Variants in SCAP observed in about 807,000 individuals in gnomAD.
The protein encoded by SCAP is SREBF chaperone, also known as sterol regulatory element-binding protein cleavage-activating protein.
A neutral mutation model predicts 123.6 loss-of-function variants in SCAP; 65 were observed. The ratio of observed to expected loss-of-function variants is 0.53; its 90% CI spans 0.43 to 0.65. SCAP has a LOEUF of 0.65. Ranked by LOEUF, SCAP falls within the 30% of genes least tolerant of loss-of-function variation. SCAP has a pLI of 0.00. For synonymous variants in SCAP, 740 were observed against 726.3 expected, an observed-to-expected ratio of 1.02 and a Z score of -0.30; for missense variants, 1,398 against 1,712.5, an observed-to-expected ratio of 0.82 and a Z score of 3.24.
Position 47,419,572 on chromosome 3 carries a change from C to T in SCAP, c.1696G>A (p.Gly566Ser). Residue 566 changes from glycine to serine, a missense_variant, in exon 13 of 23, where the codon GGC becomes AGC. Transcript: ENST00000265565. The surrounding 1 kb of genome is among the most constrained non-coding windows in gnomAD (Gnocchi z 5.0). ...TCCGGGTGGCTGGGGGGCAGCATGC[C>T]ACTAGGCACGGGCATGGGAGCCAGG... The part of the protein sequence containing the change: ...GALAPMPVPS[G>S]MLPPSHPDPA... The T allele has an allele frequency of 6.2e-7, 1 of 1,612,066 alleles. No homozygotes were observed. The highest frequency in any genetic ancestry group is 8.5e-7 in the Non-Finnish European group (1 of 1,178,786).
At chr3:47,460,587 C>G (rs1161083855) in intron 1 of SCAP, among the ~76,000 whole-genome samples, 1 of 152,146 alleles carries the variant, frequency 6.6e-6, no homozygotes, top group Non-Finnish European at 1.5e-5. Flanking sequence ...GAGTCTCACT[C>G]TGTCCCCCAG....
Position 47,418,643 on chromosome 3 carries a change from C to A in SCAP, c.2129+12G>T. The A allele has an allele frequency of 1.2e-6, 2 of 1,601,480 alleles. No individual in the cohort carries two copies. The highest frequency in any genetic ancestry group is 2.2e-5 in the South Asian group (2 of 89,528). ...GCACTCTTTCCCACCCCACCCCACCCAGCAGCCTTACTTGTACAGCGTGAC... is the reference window on the plus strand; with the variant it reads ...GCACTCTTTCCCACCCCACCCCACCAAGCAGCCTTACTTGTACAGCGTGAC... On this transcript the variant is annotated intron_variant, in intron 14 of 22. Transcript: ENST00000265565.
intron 2 of SCAP, among the ~76,000 whole-genome samples, chr3:47,437,339 T>G (rs1706617308): frequency 7.2e-6 from 1 of 138,280 alleles, no homozygotes; most frequent in African/African-American, 2.7e-5. Flanking sequence ...CTCAGAAGGC[T>G]GAGGCAGGAA....
chr3:47,414,080 C>T lies in SCAP; in HGVS notation c.3614G>A (p.Ser1205Asn), dbSNP rs1576239026. ...CAGGTTGTCTGAGATGACACCCAAG[C>T]TTGCACCACAGCCCAGGTCCTGGAG... ...SIQQDLGCGA[S>N]LGVISDNLLV... The change falls in exon 23 of 23, where the codon AGC becomes AAC. Residue 1205 changes from serine to asparagine, a missense_variant. Coordinates refer to ENST00000265565, the MANE Select transcript of SCAP (RefSeq NM_012235.4). The T allele has an allele frequency of 6.2e-7, 1 of 1,613,326 alleles. No homozygotes were observed. The highest frequency in any genetic ancestry group is 1.1e-5 in the South Asian group (1 of 91,092).
At chr3:47,450,050 T>A (rs1174736395) in intron 1 of SCAP, among the ~76,000 whole-genome samples, 1 of 125,756 alleles carries the variant, frequency 8.0e-6, no homozygotes, top group Non-Finnish European at 1.8e-5. Context: ...CAGGCTGGAG[T>A]GCAGTGGCGT....
In SCAP at chr3:47,420,923, A is replaced by G. The variant is rs1705871876; in HGVS notation, c.1344+8T>C. The G allele has an allele frequency of 1.2e-6, 2 of 1,612,508 alleles. No individual in the cohort carries two copies. Among genetic ancestry groups the G allele is most frequent in the African/African-American group, 2.7e-5 (2 of 74,870 alleles). On this transcript the variant is annotated splice_region_variant and intron_variant, in intron 11 of 22. Coordinates refer to ENST00000265565, the MANE Select transcript of SCAP (RefSeq NM_012235.4). This position sits in a 1 kb window ranked among gnomAD's most constrained non-coding sequence, Gnocchi z 5.0. ...AGGCGGGCAGGGCAGGGCTCAGCCC[A>G]CTCCTACCTCCATCCGGCGAATGTC...
chr3:47,441,407 G>A (rs900569923), intron 2 of SCAP, among the ~76,000 whole-genome samples: 1 of 152,114 alleles, frequency 6.6e-6, no homozygotes, highest in Non-Finnish European at 1.5e-5. Context: ...GGTTGAGGCT[G>A]AGGTGAGCTG....
At chr3:47,426,795 T>C (rs945298530) in intron 6 of SCAP, among the ~76,000 whole-genome samples, 1 of 152,170 alleles carries the variant, frequency 6.6e-6, no homozygotes, top group Admixed American at 6.5e-5. Context: ...TCGAGTGCCC[T>C]TGCCAATTGG....
At chr3:47,455,402 C>G (rs1475339481) in intron 1 of SCAP, among the ~76,000 whole-genome samples, 5 of 151,498 alleles carry the variant, frequency 3.3e-5, no homozygotes, top group African/African-American at 7.3e-5. Flanking sequence ...AAAGACCAGC[C>G]TAGCCAACAT....
intron 4 of SCAP, among the ~76,000 whole-genome samples, chr3:47,428,003 A>G (rs1303878849): frequency 6.6e-6 from 1 of 152,186 alleles, no homozygotes; most frequent in Non-Finnish European, 1.5e-5. Flanking sequence ...TAGGGGCTTC[A>G]TTTAGTTCAC....
intron 1 of SCAP, among the ~76,000 whole-genome samples, chr3:47,458,959 C>T (rs1707529080): frequency 6.6e-6 from 1 of 152,170 alleles, no homozygotes. Context: ...GTATGTGCCA[C>T]CATGCCTGGC....
At position 47,419,004 on chromosome 3, in the gene SCAP, G is replaced by A. The variant is rs1370776892; in HGVS notation, c.1941-161C>T. Among the ~76,000 whole-genome samples the A allele has an allele frequency of 2.6e-5, 4 of 152,146 alleles. No homozygotes were observed. The highest frequency in any genetic ancestry group is 5.9e-5 in the Non-Finnish European group (4 of 68,008). On this transcript the variant is annotated intron_variant, in intron 13 of 22. Transcript: ENST00000265565. This position sits in a 1 kb window ranked among gnomAD's most constrained non-coding sequence, Gnocchi z 5.0. ...GGGGACAGAGGTAGGTCCCTCCCCA[G>A]CCCAGCTTAGCAGCCAACTTGCTGT...
chr3:47,434,897 T>C (rs1340384432), intron 3 of SCAP, 111 bp downstream of exon 3: 3 of 1,358,134 alleles, frequency 2.2e-6, no homozygotes, highest in Non-Finnish European at 3.1e-6. Flanking sequence ...TTAAAGTACA[T>C]GAATTCACAA....
chr3:47,421,339 A>T (rs1399261035), intron 10 of SCAP: 1 of 309,232 alleles, frequency 3.2e-6, no homozygotes, highest in East Asian at 7.3e-5. Context: ...GAAACCTCTA[A>T]GCCCCACCAG....
chr3:47,430,304 G>A (rs559590334), intron 3 of SCAP, among the ~76,000 whole-genome samples: 2 of 152,132 alleles, frequency 1.3e-5, no homozygotes, highest in Non-Finnish European at 2.9e-5. Context: ...ACTAGAATCT[G>A]CCATCTACCT....
At chr3:47,456,778 C>T (rs1281021755) in intron 1 of SCAP, among the ~76,000 whole-genome samples, 4 of 151,798 alleles carry the variant, frequency 2.6e-5, no homozygotes, top group African/African-American at 7.2e-5. Flanking sequence ...AAGCGAGACT[C>T]CGTCTCAAAA....
chr3:47,420,572 C>T lies in SCAP; in HGVS notation c.1545G>A (p.Leu515=). The T allele has an allele frequency of 6.2e-7, 1 of 1,605,900 alleles. No homozygotes were observed. The highest frequency in any genetic ancestry group is 8.5e-7 in the Non-Finnish European group (1 of 1,176,748). Residue 515 remains leucine, a synonymous_variant, in exon 12 of 23, where the codon CTG becomes CTA. Coordinates refer to ENST00000265565, the MANE Select transcript of SCAP (RefSeq NM_012235.4). The surrounding 1 kb of genome is among the most constrained non-coding windows in gnomAD (Gnocchi z 5.0). ...CAGGTACCATGATGAGGCGCTGTGC[C>T]AGGCGGGTGCGGGCCAGGAAGTAGA... ...RVVYFLARTR[L]AQRLIMAGTV... is the part of the protein sequence containing the mutation.
chr3:47,469,890 CCA>C, intron 1 of SCAP: 1 of 517,632 alleles, frequency 1.9e-6, no homozygotes, highest in South Asian at 1.6e-5. Context: ...AAGAAATTAG[CCA>C]CAGATTCACT....
Position 47,439,141 on chromosome 3 carries a change from G to T in SCAP, c.122+3731C>A, listed in dbSNP as rs1354653968. Among the ~76,000 whole-genome samples the T allele has an allele frequency of 1.3e-5, 2 of 152,148 alleles. No individual in the cohort carries two copies. The highest frequency in any genetic ancestry group is 2.9e-5 in the Non-Finnish European group (2 of 68,034). The stretch of plus-strand genomic sequence containing the variant: ...ATGCATGACTAGGCTGAGCAAGGTG[G>T]CTTATGCCTATAATCCCAGGACTTT... On this transcript the variant is annotated intron_variant, in intron 2 of 22. Coordinates refer to ENST00000265565, the MANE Select transcript of SCAP (RefSeq NM_012235.4). This position sits in a 1 kb window ranked among gnomAD's most constrained non-coding sequence, Gnocchi z 4.0.
Sources: gnomAD v4.1 joint callset for allele counts (sites outside exome capture counted in the v4.1 genomes callset) on GRCh38, gnomAD v4.1.1 for gene constraint, Gnocchi (gnomAD v3.1) non-coding constraint, MANE v1.5 for transcripts, NCBI Gene and HGNC (gene_info 2026-07-23, HGNC 2026-07-21) for gene names.